Variants in HCN4 observed in about 807,000 individuals in gnomAD.
HCN4 encodes the protein potassium/sodium hyperpolarization-activated cyclic nucleotide-gated channel 4.
A neutral mutation model predicts 76.9 loss-of-function variants in HCN4; 29 were observed. That is an observed-to-expected ratio of 0.38 (90% CI 0.28 to 0.51). The LOEUF is 0.51. HCN4 is among the 20% of genes least tolerant of loss of function. The probability of loss-of-function intolerance (pLI) is 0.90; values close to 1 mark genes in which losing one functional copy is unlikely to be tolerated. For synonymous variants in HCN4, 772 were observed against 762.5 expected (o/e 1.01, Z -0.21); for missense variants, 1,416 against 1,715.2 (o/e 0.83, Z 3.08).
Position 73,322,928 on chromosome 15 carries a change from T to C in HCN4, c.3165A>G (p.Pro1055=), listed in dbSNP as rs1420313332. The change falls in exon 8 of 8, where the codon CCA becomes CCG. Residue 1055 remains proline, a synonymous_variant. Transcript: ENST00000261917. The part of the protein sequence containing the change: ...ASGSHGSLLL[P]PASSPPPPQV... ...GGGGTGGTGGGGGGCTGGATGCAGG[T>C]GGCAGGAGCAAGGATCCGTGGGAGC... The C allele has an allele frequency of 1.4e-6, 2 of 1,383,670 alleles. No individual in the cohort carries two copies. The highest frequency in any genetic ancestry group is 1.9e-6 in the Non-Finnish European group (2 of 1,054,280). 85.7% of individuals were successfully genotyped at this position (1,383,670 alleles called of 1,614,324 possible).
chr15:73,343,942 G>T lies in HCN4; in HGVS notation c.786-134C>A. 1.2e-6 allele frequency: 1 copy of T among 839,426 alleles called. No homozygotes were observed. The highest frequency in any genetic ancestry group is 2.0e-6 in the Non-Finnish European group (1 of 505,004). 52.0% of individuals were successfully genotyped at this position (839,426 alleles called of 1,614,324 possible). A position where few individuals can be genotyped will look rare whatever the true frequency, so the allele number is the denominator to read the frequency against. ...TTCTGAGACAGGAAGACAGGCACATGGGTACCAGGGCAAGATGTGGAGATT... is the reference window on the plus strand; with the variant it reads ...TTCTGAGACAGGAAGACAGGCACATTGGTACCAGGGCAAGATGTGGAGATT... On this transcript the variant is annotated intron_variant, in intron 1 of 7. Transcript: ENST00000261917. This position sits in a 1 kb window ranked among gnomAD's most constrained non-coding sequence, Gnocchi z 5.7.
In HCN4 at chr15:73,367,927, C is replaced by T; in HGVS notation, c.344G>A (p.Ser115Asn). The T allele has an allele frequency of 3.6e-6, 5 of 1,370,636 alleles. No individual in the cohort carries two copies. The highest frequency in any genetic ancestry group is 1.5e-5 in the African/African-American group (1 of 66,598). 84.9% of individuals were successfully genotyped at this position (1,370,636 alleles called of 1,614,324 possible). A position where few individuals can be genotyped will look rare whatever the true frequency, so the allele number is the denominator to read the frequency against. The change falls in exon 1 of 8, where the codon AGC becomes AAC. Residue 115 changes from serine to asparagine, a missense_variant. Coordinates refer to ENST00000261917, the MANE Select transcript of HCN4 (RefSeq NM_005477.3). This position sits in a 1 kb window ranked among gnomAD's most constrained non-coding sequence, Gnocchi z 7.5. Reference protein sequence around the residue: ...SRGGGSGGTGSGSSHGHLHDS... With the variant: ...SRGGGSGGTGNGSSHGHLHDS... ...ATGCAGGTGTCCGTGACTGCTGCCG[C>T]TCCCCGTGCCGCCGCTGCCGCCGCC...
chr15:73,363,899 T>C (rs2043117212), intron 1 of HCN4, among the ~76,000 whole-genome samples: 1 of 152,244 alleles, frequency 6.6e-6, no homozygotes, highest in Admixed American at 6.5e-5. Context: ...ATAAGGCTCA[T>C]AACCCACACA....
At chr15:73,361,062 T>C (rs1471734813) in intron 1 of HCN4, among the ~76,000 whole-genome samples, 1 of 152,220 alleles carries the variant, frequency 6.6e-6, no homozygotes, top group Non-Finnish European at 1.5e-5. Flanking sequence ...AGAGCCATAT[T>C]TTCATGTTGT....
chr15:73,324,950 C>T lies in HCN4; in HGVS notation c.1978+5G>A. ...CCTGTCCCCCAGGGCCCAGGGCTGC[C>T]TCACCTCCAAAGTAGGAGCCGTCGG... On this transcript the variant is annotated splice_donor_5th_base_variant and intron_variant, in intron 6 of 7. Transcript: ENST00000261917. 6.2e-7 allele frequency: 1 copy of T among 1,614,036 alleles called. No individual in the cohort carries two copies. Among genetic ancestry groups the T allele is most frequent in the Non-Finnish European group, 8.5e-7 (1 of 1,180,018 alleles).
intron 1 of HCN4, among the ~76,000 whole-genome samples, chr15:73,347,259 A>T (rs2043033682): frequency 6.6e-6 from 1 of 152,174 alleles, no homozygotes; most frequent in African/African-American, 2.4e-5. Context: ...GCCCTAGACT[A>T]CACAGCTAGT....
At chr15:73,344,668 C>T (rs1729832002) in intron 1 of HCN4, among the ~76,000 whole-genome samples, 1 of 152,170 alleles carries the variant, frequency 6.6e-6, no homozygotes, top group Non-Finnish European at 1.5e-5. Flanking sequence ...AGGCCTCAGG[C>T]ACCTTCAAGT....
chr15:73,354,190 A>T (rs1156340503), intron 1 of HCN4, among the ~76,000 whole-genome samples: 1 of 152,262 alleles, frequency 6.6e-6, no homozygotes, highest in East Asian at 1.9e-4. Context: ...TTGAGGAACA[A>T]AGTTTGTTTC....
rs2042868075 is a variant in HCN4 at position 73,322,692 on chromosome 15, C to T, written c.3401G>A (p.Gly1134Asp). Residue 1134 changes from glycine (G) to aspartate (D), a missense_variant, in exon 8 of 8, where the codon GGC becomes GAC. Gly to Asp is a moderately conservative substitution (Grantham distance 94). Coordinates refer to ENST00000261917, the MANE Select transcript of HCN4 (RefSeq NM_005477.3). Reference sequence around the variant, plus strand: ...ATAGGGCCTCCCAGGGGGACCGAGGCCCCCGCTGCTCCCACTGCCCCCGCT... The same window carrying T: ...ATAGGGCCTCCCAGGGGGACCGAGGTCCCCGCTGCTCCCACTGCCCCCGCT... ...GGSGGSGSSG[G>D]LGPPGRPYGA... 8.8e-6 allele frequency: 14 copies of T among 1,582,104 alleles called. No individual in the cohort carries two copies. Among genetic ancestry groups the T allele is most frequent in the Non-Finnish European group, 1.2e-5 (14 of 1,164,734 alleles).
intron 4 of HCN4, 91 bp downstream of exon 4, chr15:73,329,482 G>A (rs2042919530): frequency 8.3e-7 from 1 of 1,204,222 alleles, no homozygotes; most frequent in South Asian, 1.3e-5. Flanking sequence ...GGTGGGAGCA[G>A]GGGGCGGTTC....
At position 73,328,144 on chromosome 15, in the gene HCN4, G is replaced by A. The variant is rs1243312989; in HGVS notation, c.1590+1429C>T. 6.6e-6 allele frequency among the ~76,000 whole-genome samples: 1 copy of A among 152,170 alleles called. No individual in the cohort carries two copies. The highest frequency in any genetic ancestry group is 2.4e-5 in the African/African-American group (1 of 41,444). ...CGAGTGTGGTGAAGGAGGAGAGGGT[G>A]CCATGGGGTCACATGACAGGTGAGG... On this transcript the variant is annotated intron_variant, in intron 4 of 7. Transcript: ENST00000261917. The surrounding 1 kb of genome is among the most constrained non-coding windows in gnomAD (Gnocchi z 4.0).
In HCN4 at chr15:73,355,198, C is replaced by A. The variant is rs369556417; in HGVS notation, c.786-11390G>T. Among the ~76,000 whole-genome samples the A allele has an allele frequency of 1.2e-4, 18 of 152,308 alleles. No homozygotes were observed. The East Asian group carries it at 3.5e-3, about 29-fold the overall frequency. On this transcript the variant is annotated intron_variant, in intron 1 of 7. Coordinates refer to ENST00000261917, the MANE Select transcript of HCN4 (RefSeq NM_005477.3). ...AGGGGTTACAGGAAGGAGGCCCATG[C>A]TATGCGATGGAAGGTGTCTGGGTCA...
At chr15:73,341,069 G>GGTGTGTGTGTGTGTGTGTGTGTGTGT (rs76504723) in intron 2 of HCN4, 3 of 145,902 alleles carry the variant, frequency 2.1e-5, no homozygotes, top group African/African-American at 7.7e-5. Context: ...GAGGGAGGTA[G>GGTGTGTGTGTGTGTGTGTGTGTGTGT]GTGTGTGTGT....
intron 1 of HCN4, among the ~76,000 whole-genome samples, chr15:73,360,992 T>TGTGGAGTGGGAATG (rs1245019150): frequency 6.6e-6 from 1 of 152,222 alleles, no homozygotes; most frequent in Non-Finnish European, 1.5e-5. Flanking sequence ...AGCTCCCCGC[T>TGTGGAGTGGGAATG]GTGGAGTGGG....
chr15:73,365,660 C>T (rs2043125067), intron 1 of HCN4, among the ~76,000 whole-genome samples: 1 of 152,196 alleles, frequency 6.6e-6, no homozygotes, highest in Admixed American at 6.5e-5. Flanking sequence ...AGGGCCAGGC[C>T]CAGCATCCAG....
chr15:73,324,330 C>A lies in HCN4; in HGVS notation c.1979-77G>T, dbSNP rs1285655313. ...GGGGGACTGCCCACCCTGACCTTGG[C>A]CCTGACTGCCTGGCACAGAAGCCTT... On this transcript the variant is annotated intron_variant, in intron 6 of 7. Coordinates refer to ENST00000261917, the MANE Select transcript of HCN4 (RefSeq NM_005477.3). The A allele has an allele frequency of 4.6e-6, 7 of 1,508,198 alleles. No homozygotes were observed. The Admixed American group carries it at 7.6e-5, about 16-fold the overall frequency. 93.4% of individuals were successfully genotyped at this position (1,508,198 alleles called of 1,614,324 possible). A position where few individuals can be genotyped will look rare whatever the true frequency, so the allele number is the denominator to read the frequency against.
chr15:73,333,133 G>A (rs1225683483), intron 2 of HCN4, among the ~76,000 whole-genome samples: 1 of 152,204 alleles, frequency 6.6e-6, no homozygotes, highest in Non-Finnish European at 1.5e-5. Flanking sequence ...GCAGCTCGGA[G>A]TGGGGGGCTG....
Position 73,323,201 on chromosome 15 carries a change from T to G in HCN4, c.2892A>C (p.Ser964=), listed in dbSNP as rs1434776047. The part of the protein sequence containing the change: ...LPEHFLPPPP[S]SRSPSSSPGQ... ...CGGGGCTAGATGACGGGGATCTGGA[T>G]GAGGGTGGGGGTGGCAGGAAGTGCT... The change falls in exon 8 of 8, where the codon TCA becomes TCC. Residue 964 remains serine (S), a synonymous_variant. Coordinates refer to ENST00000261917, the MANE Select transcript of HCN4 (RefSeq NM_005477.3). The G allele has an allele frequency of 1.3e-6, 2 of 1,539,602 alleles. No homozygotes were observed. Among genetic ancestry groups the G allele is most frequent in the Non-Finnish European group, 1.7e-6 (2 of 1,146,066 alleles).
At chr15:73,329,539 G>A in intron 4 of HCN4, 34 bp downstream of exon 4, 1 of 1,603,936 alleles carries the variant, frequency 6.2e-7, no homozygotes, top group East Asian at 2.2e-5. Flanking sequence ...TCTTGGGAGG[G>A]ACCAATGTGC....
Sources: gnomAD v4.1 joint callset for allele counts (sites outside exome capture counted in the v4.1 genomes callset) on GRCh38, gnomAD v4.1.1 for gene constraint, Gnocchi (gnomAD v3.1) non-coding constraint, MANE v1.5 for transcripts, NCBI Gene and HGNC (gene_info 2026-07-23, HGNC 2026-07-21) for gene names.